ROBO1: variants seen among roughly 807,000 people sequenced by gnomAD.
ROBO1 encodes the protein roundabout homolog 1.
ROBO1 carries 149 observed loss-of-function variants against 195.9 expected under a neutral mutation model. The observed-to-expected ratio is 0.76, with a 90% CI of 0.67 to 0.87. ROBO1 has a LOEUF of 0.87. Ranked by LOEUF, ROBO1 falls within the 40% of genes least tolerant of loss-of-function variation. The probability of loss-of-function intolerance (pLI) is 0.00; values close to 1 mark genes in which losing one functional copy is unlikely to be tolerated. For synonymous variants in ROBO1, 816 were observed against 733.2 expected (o/e 1.11, Z -1.82); for missense variants, 1,933 against 2,068.3 (o/e 0.93, Z 1.27).
At chr3:79,221,332 T>C (rs1244794885) in intron 2 of ROBO1, among the ~76,000 whole-genome samples, 1 of 152,062 alleles carries the variant, frequency 6.6e-6, no homozygotes, top group Non-Finnish European at 1.5e-5. Context: ...GGTCAGTAAT[T>C]GAAGAAAATA....
chr3:79,417,052 C>T (rs1050335336), intron 2 of ROBO1, among the ~76,000 whole-genome samples: 3 of 152,098 alleles, frequency 2.0e-5, no homozygotes, highest in East Asian at 3.9e-4. Flanking sequence ...TAGCAGAACT[C>T]GCATGATGGT....
intron 2 of ROBO1, among the ~76,000 whole-genome samples, chr3:79,423,536 T>C (rs893373485): frequency 9.9e-5 from 15 of 152,118 alleles, no homozygotes; most frequent in Admixed American, 2.0e-4. Context: ...TATTTATCTA[T>C]TGGCAGGTCA....
intron 4 of ROBO1, among the ~76,000 whole-genome samples, chr3:78,770,469 G>T (rs1456035000): frequency 6.6e-6 from 1 of 152,072 alleles, no homozygotes; most frequent in Non-Finnish European, 1.5e-5. Context: ...TTTGTAATAA[G>T]ACTATTTGCT....
chr3:79,621,888 A>G (rs1945019880), intron 1 of ROBO1, among the ~76,000 whole-genome samples: 1 of 152,202 alleles, frequency 6.6e-6, no homozygotes, highest in Admixed American at 6.5e-5. Flanking sequence ...CAACATAATG[A>G]CTGTAATAAA....
intron 30 of ROBO1, 116 bp from the exon 31 acceptor site, chr3:78,599,043 G>A (rs1703009654): frequency 1.8e-6 from 1 of 545,614 alleles, no homozygotes; most frequent in African/African-American, 1.9e-5. Flanking sequence ...TTTATTCAAT[G>A]GACTATGTTG....
intron 1 of ROBO1, among the ~76,000 whole-genome samples, chr3:79,754,921 C>T (rs945188884): frequency 3.3e-5 from 5 of 152,122 alleles, no homozygotes; most frequent in Non-Finnish European, 5.9e-5. Context: ...ACTCTTGTTG[C>T]GCAGGCTGGA....
At chr3:78,788,101 G>A (rs1265425637) in intron 4 of ROBO1, among the ~76,000 whole-genome samples, 1 of 140,652 alleles carries the variant, frequency 7.1e-6, no homozygotes, top group African/African-American at 2.7e-5. Flanking sequence ...CACCGCGCCC[G>A]ACTGATTTTG....
At chr3:79,020,681 G>T (rs937725676) in intron 3 of ROBO1, among the ~76,000 whole-genome samples, 1 of 152,082 alleles carries the variant, frequency 6.6e-6, no homozygotes, top group Non-Finnish European at 1.5e-5. Context: ...GCGACAGAGC[G>T]AGACTCCGTC....
intron 2 of ROBO1, among the ~76,000 whole-genome samples, chr3:79,294,471 C>T (rs545011525): frequency 2.6e-5 from 4 of 152,180 alleles, no homozygotes; most frequent in African/African-American, 9.6e-5. Flanking sequence ...AAGACTTAAA[C>T]GTAAGACCTA....
chr3:79,318,913 T>A (rs554716988), intron 2 of ROBO1, among the ~76,000 whole-genome samples: 3 of 152,344 alleles, frequency 2.0e-5, no homozygotes, highest in African/African-American at 7.2e-5. Flanking sequence ...AAGAAATAGG[T>A]AAAATGAATT....
At chr3:79,455,004 T>G (rs569494525) in intron 2 of ROBO1, among the ~76,000 whole-genome samples, 1 of 152,282 alleles carries the variant, frequency 6.6e-6, no homozygotes, top group African/African-American at 2.4e-5. Flanking sequence ...GGGAACATTC[T>G]AAGTACCTTA....
At chr3:79,621,883 T>C (rs1043150046) in intron 1 of ROBO1, among the ~76,000 whole-genome samples, 7 of 152,044 alleles carry the variant, frequency 4.6e-5, no homozygotes, top group African/African-American at 1.7e-4. Context: ...CGTAACAACA[T>C]AATGACTGTA....
chr3:79,686,856 G>A (rs949906736), intron 1 of ROBO1, among the ~76,000 whole-genome samples: 9 of 152,030 alleles, frequency 5.9e-5, no homozygotes, highest in Non-Finnish European at 8.8e-5. Flanking sequence ...TCACAGAATT[G>A]GAAAAAACTA....
intron 2 of ROBO1, among the ~76,000 whole-genome samples, chr3:79,537,845 G>T (rs1042793608): frequency 6.6e-6 from 1 of 151,838 alleles, no homozygotes. Context: ...GCACACGTAA[G>T]CTATGTAACA....
chr3:79,019,444 C>G, intron 3 of ROBO1: 3 of 986,314 alleles, frequency 3.0e-6, no homozygotes, highest in Non-Finnish European at 3.6e-6. Flanking sequence ...CACGCTGCCT[C>G]CTCTCCAGCT....
chr3:79,232,139 A>G (rs1364068941), intron 2 of ROBO1, among the ~76,000 whole-genome samples: 1 of 151,940 alleles, frequency 6.6e-6, no homozygotes, highest in Non-Finnish European at 1.5e-5. Context: ...TAATCTGTAC[A>G]TCAAATCCCC....
intron 2 of ROBO1, among the ~76,000 whole-genome samples, chr3:79,334,292 ACT>A (rs1296536914): frequency 8.7e-6 from 1 of 115,300 alleles, no homozygotes; most frequent in Non-Finnish European, 1.8e-5. Flanking sequence ...ACAGAGTGAG[ACT>A]CTGTCTAAAA....
intron 2 of ROBO1, among the ~76,000 whole-genome samples, chr3:79,172,761 A>T (rs79543374): frequency 0.088 from 13,381 of 152,026 alleles, 1,013 homozygotes; most frequent in African/African-American, 0.2. Flanking sequence ...CAGTTCTAGG[A>T]TATGTCATAC....
chr3:78,783,256 A>G (rs538264948), intron 4 of ROBO1, among the ~76,000 whole-genome samples: 19 of 152,048 alleles, frequency 1.2e-4, no homozygotes, highest in Non-Finnish European at 2.2e-4. Flanking sequence ...ATTATCTATC[A>G]TTTCACACTC....
Sources: allele counts gnomAD v4.1 joint callset (sites outside exome capture counted in the v4.1 genomes callset), GRCh38; gene constraint gnomAD v4.1.1; transcripts MANE v1.5; gene names NCBI Gene and HGNC (gene_info 2026-07-23, HGNC 2026-07-21).